The following CPT1C variants were observed in gnomAD, a reference collection of about 807,000 sequenced individuals.
CPT1C encodes the protein carnitine palmitoyltransferase 1C, also known as palmitoyl thioesterase CPT1C.
Under a neutral mutation model 97.3 loss-of-function variants are expected in CPT1C, and 61 were observed. The ratio of observed to expected loss-of-function variants is 0.63; its 90% CI spans 0.51 to 0.78. CPT1C has a LOEUF of 0.78. Ranked by LOEUF, CPT1C falls within the 30% of genes least tolerant of loss-of-function variation. The pLI is 0.00. For missense variants in CPT1C, 975 were observed against 1,065.5 expected (o/e 0.92, Z 1.18); for synonymous variants, 469 against 447.2 (o/e 1.05, Z -0.61).
chr19:49,705,940 C>G lies in CPT1C; in HGVS notation c.996C>G (p.His332Gln). Reference protein sequence around the residue: ...DYIRHLHDSQHVAVFHRGRFF... With the variant: ...DYIRHLHDSQQVAVFHRGRFF... ...TCCGCCACCTCCATGACAGCCAACA[C>G]GTGGCTGTCTTCCACCGGGGCCGAT... Residue 332 changes from histidine to glutamine, a missense_variant, in exon 11 of 20, where the codon CAC (histidine) becomes CAG (glutamine). Coordinates refer to ENST00000598293, the MANE Select transcript of CPT1C (RefSeq NM_001199753.2). 1 of 1,613,852 alleles carries G rather than the reference C, an allele frequency of 6.2e-7. No homozygotes were observed. The highest frequency in any genetic ancestry group is 8.5e-7 in the Non-Finnish European group (1 of 1,179,906).
intron 3 of CPT1C, among the ~76,000 whole-genome samples, chr19:49,696,139 A>G (rs1039385977): frequency 2.6e-5 from 4 of 152,164 alleles, no homozygotes; most frequent in Non-Finnish European, 5.9e-5. Context: ...GGCCTCCCAA[A>G]GTGCTGGGAT....
At position 49,712,844 on chromosome 19, in the gene CPT1C, G is replaced by A. The variant is rs200603571; in HGVS notation, c.2128G>A (p.Gly710Arg). 1 of 1,529,932 alleles carries A rather than the reference G, an allele frequency of 6.5e-7. No individual in the cohort carries two copies. Among genetic ancestry groups the A allele is most frequent in the Non-Finnish European group, 8.7e-7 (1 of 1,148,320 alleles). The allele number at this position is 1,529,932 out of a possible 1,614,324, so 94.8% of individuals were successfully genotyped here. Residue 710 changes from glycine to arginine, a missense_variant, in exon 18 of 20, where the codon GGG becomes AGG. This residue lies in a region of CPT1C where 344 missense variants were observed against 395.7 expected (regional missense o/e 0.87). Transcript: ENST00000598293. ...PDYVSSGGGF[G>R]PADDHGYGVS... is the part of the protein sequence containing the mutation. The stretch of plus-strand genomic sequence containing the variant: ...CTATGTTTCCTCAGGCGGTGGATTC[G>A]GGCCTGTGAGTGGAGCTGGGCGCGC...
rs943323421 is a variant in CPT1C at position 49,706,577 on chromosome 19, C to T, written c.1343+164C>T. On this transcript the variant is annotated intron_variant, in intron 12 of 19. Transcript: ENST00000598293. This position sits in a 1 kb window ranked among gnomAD's most constrained non-coding sequence, Gnocchi z 4.8. Reference sequence around the variant, plus strand: ...GGACCCCAGACCCAGTGCTTTGGGACCTGGAGACCTCTGACCTGGGGAACC... The same window carrying T: ...GGACCCCAGACCCAGTGCTTTGGGATCTGGAGACCTCTGACCTGGGGAACC... 1.3e-5 allele frequency among the ~76,000 whole-genome samples: 2 copies of T among 152,054 alleles called. No homozygotes were observed. The highest frequency in any genetic ancestry group is 2.9e-5 in the Non-Finnish European group (2 of 67,988).
chr19:49,710,984 C>G (rs1490350588), intron 16 of CPT1C, 127 bp downstream of exon 16: 1 of 991,788 alleles, frequency 1.0e-6, no homozygotes, highest in African/African-American at 1.6e-5. Context: ...TGAATCGGAC[C>G]TGGCCTCTGA....
At position 49,692,243 on chromosome 19, in the gene CPT1C, C is replaced by T. The variant is rs1015325166; in HGVS notation, c.-10C>T. ...GTATGACTCTGCCCGACTCAGGGCT[C>T]CAGCGTGACATGGCTGAAGCGCACC... is the stretch of plus-strand genomic sequence containing the variant. On this transcript the variant is annotated 5_prime_UTR_variant, in exon 3 of 20. Transcript: ENST00000598293. The T allele has an allele frequency of 1.2e-6, 2 of 1,613,268 alleles. No homozygotes were observed. Among genetic ancestry groups the T allele is most frequent in the Admixed American group, 1.7e-5 (1 of 60,010 alleles).
At position 49,705,985 on chromosome 19, in the gene CPT1C, C is replaced by G; in HGVS notation, c.1041C>G (p.His347Gln). ...HRGRFFRMGT[H>Q]SRNSLLSPRA... is the part of the protein sequence containing the mutation. Reference sequence around the variant, plus strand: ...GCCGATTCTTCCGCATGGGGACCCACTCCCGAAACAGCCTGCTTTCCCCGA... The same window carrying G: ...GCCGATTCTTCCGCATGGGGACCCAGTCCCGAAACAGCCTGCTTTCCCCGA... The change falls in exon 11 of 20, where the codon CAC becomes CAG. Residue 347 changes from histidine (H) to glutamine (Q), a missense_variant. Physicochemically the swap from His to Gln is conservative, Grantham distance 24 (BLOSUM62 0). Coordinates refer to ENST00000598293, the MANE Select transcript of CPT1C (RefSeq NM_001199753.2). The G allele has an allele frequency of 6.2e-7, 1 of 1,614,062 alleles. No homozygotes were observed. The highest frequency in any genetic ancestry group is 8.5e-7 in the Non-Finnish European group (1 of 1,180,006).
chr19:49,704,858 G>A (rs990681902), intron 8 of CPT1C, 71 bp downstream of exon 8: 21 of 1,493,820 alleles, frequency 1.4e-5, no homozygotes, highest in Admixed American at 1.2e-4. Context: ...GGAATGTGAC[G>A]GTCATGCTCA....
intron 7 of CPT1C, among the ~76,000 whole-genome samples, chr19:49,703,562 CTCCT>C (rs1282430948): frequency 1.5e-5 from 1 of 68,210 alleles, no homozygotes; most frequent in African/African-American, 8.7e-5. Context: ...CTGTCTCTCT[CTCCT>C]CCCTCCCTCC....
intron 17 of CPT1C, 101 bp from the exon 18 acceptor site, chr19:49,712,635 T>A: frequency 1.2e-6 from 1 of 848,902 alleles, no homozygotes; most frequent in Non-Finnish European, 2.0e-6. Flanking sequence ...AGGCCCGGAT[T>A]TACGGGTAAA....
At chr19:49,692,486 T>A in intron 3 of CPT1C, 93 bp downstream of exon 3, 1 of 1,475,762 alleles carries the variant, frequency 6.8e-7, no homozygotes, top group Non-Finnish European at 9.2e-7. Flanking sequence ...AGCTGGTTCA[T>A]TTCTGGGAGA....
rs766667246 is a variant in CPT1C, at chr19:49,710,815, G to A, written c.1824G>A (p.Glu608=). ...RTETVRSCTR[E]ACNFVRAMED... ...AGACGGTGCGGTCTTGCACGAGGGA[G>A]GCCTGCAACTTTGTCAGGGCCATGG... Residue 608 remains glutamate, a synonymous_variant, in exon 16 of 20, where the codon GAG becomes GAA. Transcript: ENST00000598293. 13 of 1,613,824 alleles carry A rather than the reference G, an allele frequency of 8.1e-6. No homozygotes were observed. The African/African-American group carries it at 1.3e-4, about 17-fold the overall frequency.
At position 49,713,037 on chromosome 19, in the gene CPT1C, C is replaced by A; in HGVS notation, c.2199C>A (p.Ile733=). The A allele has an allele frequency of 6.2e-7, 1 of 1,614,046 alleles. No individual in the cohort carries two copies. Among genetic ancestry groups the A allele is most frequent in the Non-Finnish European group, 8.5e-7 (1 of 1,179,938 alleles). ...FMGDGMITFH[I]SSKKSSTKTD... ...GGGATGGCATGATCACCTTCCACAT[C>A]TCCAGCAAAAAATCAAGCACAAAAA... The change falls in exon 19 of 20, where the codon ATC becomes ATA. Residue 733 remains isoleucine, a synonymous_variant. Transcript: ENST00000598293.
chr19:49,705,305 C>A lies in CPT1C; in HGVS notation c.964+7C>A. On this transcript the variant is annotated splice_region_variant and intron_variant, in intron 10 of 19. Coordinates refer to ENST00000598293, the MANE Select transcript of CPT1C (RefSeq NM_001199753.2). ...ATTCCAGGGGTCCAAAAAGGTGAGA[C>A]CCTCTCCTGTCCCCACTGATGGAGG... 8 of 1,587,656 alleles carry A rather than the reference C, an allele frequency of 5.0e-6. No individual in the cohort carries two copies. Among genetic ancestry groups the A allele is most frequent in the Non-Finnish European group, 6.9e-6 (8 of 1,161,818 alleles).
chr19:49,699,948 C>T (rs1158065081), intron 4 of CPT1C, among the ~76,000 whole-genome samples: 2 of 150,612 alleles, frequency 1.3e-5, no homozygotes, highest in African/African-American at 4.9e-5. Flanking sequence ...AGTGAAACTC[C>T]ATCTCAAAAA....
chr19:49,690,666 CG>C (rs1454362330), upstream of CPT1C: 1 of 587,420 alleles, frequency 1.7e-6, no homozygotes, highest in African/African-American at 1.9e-5. The surrounding 1 kb of genome is among the most constrained non-coding windows in gnomAD (Gnocchi z 4.4). Flanking sequence ...TTCTCCCTCA[CG>C]GAAGTCCCAC....
At position 49,713,618 on chromosome 19, in the gene CPT1C, G is replaced by C; in HGVS notation, c.*13G>C. On this transcript the variant is annotated 3_prime_UTR_variant, in exon 20 of 20. Transcript: ENST00000598293. ...CACCGACTTCTGACTCCTTCCAGCA[G>C]GCAGCTGGCCTCTCCAAGGAATAAG... 1 of 1,601,530 alleles carries C rather than the reference G, an allele frequency of 6.2e-7. No individual in the cohort carries two copies. Among genetic ancestry groups the C allele is most frequent in the Non-Finnish European group, 8.5e-7 (1 of 1,173,770 alleles).
At chr19:49,694,142 C>T (rs1174948763) in intron 3 of CPT1C, among the ~76,000 whole-genome samples, 1 of 151,610 alleles carries the variant, frequency 6.6e-6, no homozygotes, top group Non-Finnish European at 1.5e-5. Flanking sequence ...CAGAATCCTG[C>T]TTTTATAGAG....
At chr19:49,695,474 A>G (rs1336939315) in intron 3 of CPT1C, among the ~76,000 whole-genome samples, 1 of 151,476 alleles carries the variant, frequency 6.6e-6, no homozygotes, top group Non-Finnish European at 1.5e-5. Context: ...TAGTATAGAC[A>G]GGGTTTCACC....
In CPT1C at chr19:49,706,396, C is replaced by G; in HGVS notation, c.1326C>G (p.Ala442=). 1 of 1,489,342 alleles carries G rather than the reference C, an allele frequency of 6.7e-7. No individual in the cohort carries two copies. Among genetic ancestry groups the G allele is most frequent in the Non-Finnish European group, 8.9e-7 (1 of 1,126,748 alleles). 92.3% of individuals were successfully genotyped at this position (1,489,342 alleles called of 1,614,324 possible). A position where few individuals can be genotyped will look rare whatever the true frequency, so the allele number is the denominator to read the frequency against. The change falls in exon 12 of 20, where the codon GCC becomes GCG. Residue 442 remains alanine (A), a synonymous_variant. Transcript: ENST00000598293. The surrounding 1 kb of genome is among the most constrained non-coding windows in gnomAD (Gnocchi z 4.8). ...SLDAYAHALL[A]GRGHDRWFDK... ...ATGCCTACGCCCATGCTCTGCTGGC[C>G]GGCCGGGGCCATGATCGGTGAGTGA...
Sources: allele counts gnomAD v4.1 joint callset (sites outside exome capture counted in the v4.1 genomes callset), GRCh38; gene constraint gnomAD v4.1.1; regional missense constraint gnomAD v4.1.1; non-coding constraint Gnocchi (gnomAD v3.1); transcripts MANE v1.5; gene names NCBI Gene and HGNC (gene_info 2026-07-23, HGNC 2026-07-21).